TMEM52B: variants seen among roughly 807,000 people sequenced by gnomAD.
TMEM52B encodes the protein transmembrane protein 52B, also known as chromosome 12 open reading frame 59.
A neutral mutation model predicts 16.1 loss-of-function variants in TMEM52B; 11 were observed. That is an observed-to-expected ratio of 0.68 (90% confidence interval 0.43 to 1.13). The LOEUF (loss-of-function observed/expected upper bound fraction) is 1.13, where lower values mean the gene tolerates loss of function less well. Among genes scored for constraint, TMEM52B ranks in the 50% most tolerant of loss-of-function variants. The probability of loss-of-function intolerance (pLI) is 0.00; values close to 1 mark genes in which losing one functional copy is unlikely to be tolerated. For missense variants in TMEM52B, 243 were observed against 230.4 expected, an observed-to-expected ratio of 1.05 and a Z score of -0.35; for synonymous variants, 101 against 93.8, an observed-to-expected ratio of 1.08 and a Z score of -0.45.
intron 1 of TMEM52B, among the ~76,000 whole-genome samples, chr12:10,180,909 G>A (rs994874212): frequency 1.3e-5 from 2 of 152,044 alleles, no homozygotes; most frequent in East Asian, 1.9e-4. Flanking sequence ...GGGTTCAAGC[G>A]ATTCTCTTGC....
rs926861798 is a variant in TMEM52B at position 10,172,244 on chromosome 12, C to T, written c.-95+1393C>T. ...AGGCTTTGCTTCATATTGGGAAGTT[C>T]GCTGACGCAAATTCTTGAGTTATGT... On this transcript the variant is annotated intron_variant, in intron 1 of 5. Transcript: ENST00000381923. 5.4e-6 allele frequency: 3 copies of T among 558,382 alleles called. No homozygotes were observed. The South Asian group carries it at 7.2e-5, about 13-fold the overall frequency. The allele number at this position is 558,382 out of a possible 1,614,324, so 34.6% of individuals were successfully genotyped here.
In TMEM52B at chr12:10,185,369, G is replaced by A. The variant is rs1204374530; in HGVS notation, c.137+1G>A. On this transcript the variant is annotated splice_donor_variant, in intron 3 of 4. Coordinates refer to ENST00000543484, the MANE Select transcript of TMEM52B (RefSeq NM_001384896.1). LOFTEE classifies it high-confidence loss of function. Reference sequence around the variant, plus strand: ...ACTGGGTACATCTCTGGTATATATGGTAAGTTTCACTTATAATACCCAGAA... The same window carrying A: ...ACTGGGTACATCTCTGGTATATATGATAAGTTTCACTTATAATACCCAGAA... The A allele has an allele frequency of 6.2e-7, 1 of 1,606,324 alleles. No individual in the cohort carries two copies. The highest frequency in any genetic ancestry group is 8.5e-7 in the Non-Finnish European group (1 of 1,172,952).
chr12:10,179,005 G>T, upstream of TMEM52B: 1 of 154,100 alleles, frequency 6.5e-6, no homozygotes, highest in Non-Finnish European at 1.4e-5. Context: ...AGAAGGGGTT[G>T]TTAGTCACAC....
chr12:10,182,996 A>G (rs1031587602), intron 2 of TMEM52B, among the ~76,000 whole-genome samples: 2 of 152,162 alleles, frequency 1.3e-5, no homozygotes, highest in African/African-American at 4.8e-5. Context: ...AGTATTTTCT[A>G]GTTTTTAGGG....
chr12:10,178,244 C>A (rs937024383), upstream of TMEM52B, among the ~76,000 whole-genome samples: 1 of 150,242 alleles, frequency 6.7e-6, no homozygotes, highest in Non-Finnish European at 1.5e-5. Context: ...AGGCCAGGCA[C>A]GGTGGCTCAC....
Position 10,190,123 on chromosome 12 carries a change from G to T in TMEM52B, c.535G>T (p.Val179Phe). The T allele has an allele frequency of 6.2e-7, 1 of 1,614,214 alleles. No individual in the cohort carries two copies. Among genetic ancestry groups the T allele is most frequent in the Non-Finnish European group, 8.5e-7 (1 of 1,180,032 alleles). ...AACAGAGAAGGAGTCGACTCGAATA[G>T]TTGACTCTTGGAACTGATGAGAGCT... ...PPTEKESTRI[V>F]DSWN Residue 179 changes from valine to phenylalanine, a missense_variant, in exon 5 of 5, where the codon GTT becomes TTT. Transcript: ENST00000543484.
chr12:10,191,072 C>A lies in TMEM52B; in HGVS notation c.*932C>A, dbSNP rs1388904468. ...AGCAAAAACTAAATGCTGAACTAAG[C>A]CTGGTTGAGATGCTTCCCATGGACC... On this transcript the variant is annotated 3_prime_UTR_variant, in exon 5 of 5. Coordinates refer to ENST00000543484, the MANE Select transcript of TMEM52B (RefSeq NM_001384896.1). 1 of 151,384 alleles carries A rather than the reference C, an allele frequency of 6.6e-6. No homozygotes were observed. The highest frequency in any genetic ancestry group is 1.5e-5 in the Non-Finnish European group (1 of 67,618). The allele number at this position is 151,384 out of a possible 1,614,324, so 9.4% of individuals were successfully genotyped here.
intron 3 of TMEM52B, among the ~76,000 whole-genome samples, chr12:10,185,900 G>A (rs1259626277): frequency 1.3e-5 from 2 of 152,298 alleles, no homozygotes; most frequent in East Asian, 1.9e-4. Flanking sequence ...AATTAGCTGG[G>A]CGTGGTGGCA....
At chr12:10,173,109 CATGATTGACTCATGTCACAAAG>C (rs1565423942) in intron 1 of TMEM52B, among the ~76,000 whole-genome samples, 2 of 152,084 alleles carry the variant, frequency 1.3e-5, no homozygotes, top group Non-Finnish European at 2.9e-5. Flanking sequence ...CAGTAAAATC[CATGATTGACTCATGTCACAAAG>C]ACGCTTACAT....
rs769972724 is a variant in TMEM52B at position 10,189,907 on chromosome 12, G to A, written c.319G>A (p.Val107Met). ...TTCTTTCTTCACAGCTCTGCAGTCGGTGTTTGGCCCTGCAGCTCGGAGGAT... is the reference window on the plus strand; with the variant it reads ...TTCTTTCTTCACAGCTCTGCAGTCGATGTTTGGCCCTGCAGCTCGGAGGAT... ...LQSTITSLQS[V>M]FGPAARRILA... is the part of the protein sequence containing the mutation. The change falls in exon 5 of 5, where the codon GTG becomes ATG. Residue 107 changes from valine to methionine, a missense_variant. By Grantham distance (21) the Val-to-Met change is conservative. Coordinates refer to ENST00000543484, the MANE Select transcript of TMEM52B (RefSeq NM_001384896.1). The A allele has an allele frequency of 6.2e-7, 1 of 1,613,850 alleles. No homozygotes were observed. Among genetic ancestry groups the A allele is most frequent in the African/African-American group, 1.3e-5 (1 of 75,046 alleles).
chr12:10,173,704 T>TCAG lies in TMEM52B; in HGVS notation c.-95+2854_-95+2856dup, dbSNP rs373460198. 5.6e-3 allele frequency among the ~76,000 whole-genome samples: 849 copies of TCAG among 151,140 alleles called. 3 individuals carry two copies. Among genetic ancestry groups the TCAG allele is most frequent in the Non-Finnish European group, 8.9e-3 (605 of 67,790 alleles). ...TGGAAAATGAAAATGCTTTTCATTT[T>TCAG]CAGTGAGCTGAGATTGTGCCACTGT... On this transcript the variant is annotated intron_variant, in intron 1 of 5. Transcript: ENST00000381923.
chr12:10,187,294 G>A (rs1948892169), intron 4 of TMEM52B, among the ~76,000 whole-genome samples: 1 of 151,928 alleles, frequency 6.6e-6, no homozygotes, highest in East Asian at 1.9e-4. Flanking sequence ...TAGACACGAG[G>A]TTTCACCATC....
chr12:10,189,914 G>A lies in TMEM52B; in HGVS notation c.326G>A (p.Gly109Asp), dbSNP rs2137565555. The change falls in exon 5 of 5, where the codon GGC becomes GAC. Residue 109 changes from glycine to aspartate, a missense_variant. Gly to Asp is a moderately conservative substitution (Grantham distance 94, BLOSUM62 -1). Transcript: ENST00000543484. ...STITSLQSVF[G>D]PAARRILAVA... ...TTCACAGCTCTGCAGTCGGTGTTTGGCCCTGCAGCTCGGAGGATCCTGGCT... is the reference window on the plus strand; with the variant it reads ...TTCACAGCTCTGCAGTCGGTGTTTGACCCTGCAGCTCGGAGGATCCTGGCT... 1.9e-6 allele frequency: 3 copies of A among 1,613,886 alleles called. No individual in the cohort carries two copies. Among genetic ancestry groups the A allele is most frequent in the Non-Finnish European group, 2.5e-6 (3 of 1,180,030 alleles).
At chr12:10,183,151 C>T (rs1208241635) in intron 2 of TMEM52B, among the ~76,000 whole-genome samples, 1 of 152,112 alleles carries the variant, frequency 6.6e-6, no homozygotes, top group Non-Finnish European at 1.5e-5. Context: ...CTTAAAGGAA[C>T]TGTAAAATAC....
intron 4 of TMEM52B, among the ~76,000 whole-genome samples, chr12:10,188,536 GGAAAAGAAGAAA>G (rs1565428842): frequency 6.8e-4 from 83 of 121,366 alleles, no homozygotes; most frequent in African/African-American, 8.7e-4. Flanking sequence ...AAGGAAGGAA[GGAAAAGAAGAAA>G]AAGAAAAAGA....
intron 1 of TMEM52B, among the ~76,000 whole-genome samples, chr12:10,173,430 C>T (rs1365529590): frequency 1.3e-5 from 2 of 152,068 alleles, no homozygotes. Context: ...TTCCATTTCC[C>T]TCCTCCTCCC....
At chr12:10,182,833 G>A (rs558468238) in intron 2 of TMEM52B, among the ~76,000 whole-genome samples, 28 of 152,266 alleles carry the variant, frequency 1.8e-4, no homozygotes, top group African/African-American at 6.5e-4. Flanking sequence ...AAAGCAGCAC[G>A]ATTAATCTCA....
At chr12:10,172,108 A>T in intron 1 of TMEM52B, 1 of 1,548,560 alleles carries the variant, frequency 6.5e-7, no homozygotes, top group Non-Finnish European at 8.9e-7. Flanking sequence ...TGAGAGAGTG[A>T]AGCAGTCACG....
rs771262034 is a variant in TMEM52B at position 10,186,480 on chromosome 12, C to T, written c.198C>T (p.Arg66=). 9.3e-6 allele frequency: 15 copies of T among 1,612,310 alleles called. No homozygotes were observed. The South Asian group carries it at 1.4e-4, about 15-fold the overall frequency. ...LLCGLTSLCF[R]CCCLSRQQNG... ...GTGGCCTGACGTCCCTGTGCTTCCG[C>T]TGCTGCTGTCTGAGCCGCCAGCAAA... The change falls in exon 4 of 5, where the codon CGC becomes CGT. Residue 66 remains arginine, a synonymous_variant. Transcript: ENST00000543484.
Sources: gnomAD v4.1 joint callset for allele counts (sites outside exome capture counted in the v4.1 genomes callset) on GRCh38, gnomAD v4.1.1 for gene constraint, MANE v1.5 for transcripts, NCBI Gene and HGNC (gene_info 2026-07-23, HGNC 2026-07-21) for gene names.